The following HOMER1 variants were observed in gnomAD, a reference collection of about 807,000 sequenced individuals.
HOMER1 encodes the protein homer protein homolog 1.
Under a neutral mutation model 48.9 loss-of-function variants are expected in HOMER1, and 3 were observed. The ratio of observed to expected loss-of-function variants is 0.06; its 90% CI spans 0.03 to 0.16. HOMER1 has a LOEUF of 0.16. Among genes scored for constraint, HOMER1 ranks in the 10% least tolerant of loss-of-function variants. HOMER1 has a pLI of 1.00. For synonymous variants in HOMER1, 134 were observed against 146.4 expected (o/e 0.92, Z 0.61); for missense variants, 247 against 411.4 (o/e 0.60, Z 3.46).
At chr5:79,385,950 T>C (rs779766531) in intron 8 of HOMER1, among the ~76,000 whole-genome samples, 11 of 151,006 alleles carry the variant, frequency 7.3e-5, no homozygotes, top group Non-Finnish European at 1.3e-4. Flanking sequence ...TGACTATCAT[T>C]AAAAAGACAA....
In HOMER1 at chr5:79,494,643, T is replaced by C. The variant is rs3893397; in HGVS notation, c.5+18127A>G. Among the ~76,000 whole-genome samples the C allele has an allele frequency of 4.3e-3, 655 of 152,148 alleles. 7 individuals carry two copies. The highest frequency in any genetic ancestry group is 0.015 in the African/African-American group (621 of 41,514). ...CAACACTTTGGGAGGCCAAGGCGGG[T>C]GGAACACTTGAGGTCAGGAGTTCGA... On this transcript the variant is annotated intron_variant, in intron 1 of 8. Transcript: ENST00000334082.
intron 1 of HOMER1, among the ~76,000 whole-genome samples, chr5:79,495,792 A>G (rs1561387056): frequency 6.6e-6 from 1 of 152,218 alleles, no homozygotes; most frequent in Non-Finnish European, 1.5e-5. Flanking sequence ...GAAAGCCAAC[A>G]CTTTATCATC....
At chr5:79,456,192 C>T (rs1049539123) in intron 2 of HOMER1, among the ~76,000 whole-genome samples, 1 of 150,940 alleles carries the variant, frequency 6.6e-6, no homozygotes. Context: ...TTCTGAAGGG[C>T]ACACTGTCCT....
chr5:79,506,611 C>T (rs1447982776), intron 1 of HOMER1, among the ~76,000 whole-genome samples: 3 of 152,204 alleles, frequency 2.0e-5, no homozygotes, highest in Middle Eastern at 3.4e-3. Flanking sequence ...GCAAGGCAGA[C>T]GGATCACTTG....
intron 1 of HOMER1, among the ~76,000 whole-genome samples, chr5:79,504,550 C>A (rs1218325146): frequency 6.6e-6 from 1 of 152,064 alleles, no homozygotes; most frequent in Non-Finnish European, 1.5e-5. Context: ...ATAGAAATTC[C>A]TAATATGAGT....
intron 1 of HOMER1, among the ~76,000 whole-genome samples, chr5:79,464,609 T>C (rs1028023952): frequency 6.6e-6 from 1 of 152,162 alleles, no homozygotes; most frequent in Non-Finnish European, 1.5e-5. Context: ...ATAATATAAA[T>C]TGAAACTCCA....
intron 2 of HOMER1, among the ~76,000 whole-genome samples, chr5:79,452,818 T>C (rs1467786104): frequency 1.3e-5 from 2 of 152,218 alleles, no homozygotes; most frequent in African/African-American, 2.4e-5. Context: ...TTCATACTTA[T>C]ACAGTTTCCT....
At position 79,438,978 on chromosome 5, in the gene HOMER1, A is replaced by T. The variant is rs115227227; in HGVS notation, c.527+32T>A. On this transcript the variant is annotated intron_variant, in intron 5 of 8. Coordinates refer to ENST00000334082, the MANE Select transcript of HOMER1 (RefSeq NM_004272.5). ...CAAACATTTCCATATTTACACATTT[A>T]CTTAATCATAATTGCTGAATTGAAT... 10 of 1,592,936 alleles carry T rather than the reference A, an allele frequency of 6.3e-6. 1 individual carries two copies. In the Middle Eastern group the frequency reaches 6.6e-4, roughly 106 times the overall value.
chr5:79,433,579 AC>A, intron 5 of HOMER1, among the ~76,000 whole-genome samples: 1 of 152,268 alleles, frequency 6.6e-6, no homozygotes, highest in East Asian at 1.9e-4. Context: ...AGAAAAACAA[AC>A]AAACAAAAAA....
Position 79,487,956 on chromosome 5 carries a change from A to T in HOMER1, c.5+24814T>A, listed in dbSNP as rs576975190. Among the ~76,000 whole-genome samples the T allele has an allele frequency of 2.6e-5, 4 of 152,332 alleles. No individual in the cohort carries two copies. The South Asian group carries it at 8.3e-4, about 32-fold the overall frequency. On this transcript the variant is annotated intron_variant, in intron 1 of 8. Coordinates refer to ENST00000334082, the MANE Select transcript of HOMER1 (RefSeq NM_004272.5). Reference sequence around the variant, plus strand: ...AAAACAATATGAGCCACATGTTAATAATTGTTGAAGCCAGGTGATGAATGT... The same window carrying T: ...AAAACAATATGAGCCACATGTTAATTATTGTTGAAGCCAGGTGATGAATGT...
intron 1 of HOMER1, among the ~76,000 whole-genome samples, chr5:79,467,100 T>G (rs1473850113): frequency 6.6e-6 from 1 of 151,660 alleles, no homozygotes; most frequent in Non-Finnish European, 1.5e-5. Flanking sequence ...TTAAAAACTT[T>G]AAAAACAAAT....
At chr5:79,413,400 CTATT>C (rs1176976667) in intron 5 of HOMER1, among the ~76,000 whole-genome samples, 1 of 152,104 alleles carries the variant, frequency 6.6e-6, no homozygotes, top group Non-Finnish European at 1.5e-5. Flanking sequence ...GACTCCTTAT[CTATT>C]AAAGTATATA....
chr5:79,377,255 C>G (rs1454046184), intron 8 of HOMER1, among the ~76,000 whole-genome samples: 1 of 152,100 alleles, frequency 6.6e-6, no homozygotes. Flanking sequence ...CGTGAGCCAC[C>G]CCGCCTGGCC....
chr5:79,492,907 CTT>C (rs558428061), intron 1 of HOMER1, among the ~76,000 whole-genome samples: 3,545 of 83,950 alleles, frequency 0.042, 177 homozygotes, highest in East Asian at 0.19. Context: ...AAAACTTTGT[CTT>C]TTTTTTTTTT....
intron 8 of HOMER1, among the ~76,000 whole-genome samples, chr5:79,384,357 C>A (rs985020986): frequency 2.0e-5 from 3 of 151,936 alleles, no homozygotes; most frequent in South Asian, 4.1e-4. Flanking sequence ...CAAAAGATTA[C>A]GAGAGACTAT....
At position 79,502,262 on chromosome 5, in the gene HOMER1, C is replaced by T. The variant is rs560682502; in HGVS notation, c.5+10508G>A. Among the ~76,000 whole-genome samples, 3 of 152,202 alleles carry T rather than the reference C, an allele frequency of 2.0e-5. No homozygotes were observed. The East Asian group carries it at 5.8e-4, about 29-fold the overall frequency. The stretch of plus-strand genomic sequence containing the variant: ...CTCGATCTCCTGACCTGGTGATCTG[C>T]CCGCCTTGGCCTCCCAAAGTGCTGG... On this transcript the variant is annotated intron_variant, in intron 1 of 8. Transcript: ENST00000334082.
chr5:79,442,743 G>A (rs1459645667), intron 4 of HOMER1, among the ~76,000 whole-genome samples: 1 of 152,200 alleles, frequency 6.6e-6, no homozygotes, highest in African/African-American at 2.4e-5. Context: ...TTTCTCAGCA[G>A]AGGGCCTGAC....
intron 8 of HOMER1, among the ~76,000 whole-genome samples, chr5:79,396,538 T>G (rs1239475276): frequency 6.6e-6 from 1 of 151,956 alleles, no homozygotes; most frequent in Non-Finnish European, 1.5e-5. Context: ...TGAGCCACCA[T>G]GCCCAAACCC....
chr5:79,405,884 T>G (rs1188232167), intron 5 of HOMER1, among the ~76,000 whole-genome samples: 1 of 152,210 alleles, frequency 6.6e-6, no homozygotes, highest in African/African-American at 2.4e-5. Context: ...TTCACACTAG[T>G]TTTGGGTAGT....
Sources: allele counts gnomAD v4.1 joint callset (sites outside exome capture counted in the v4.1 genomes callset), GRCh38; gene constraint gnomAD v4.1.1; transcripts MANE v1.5; gene names NCBI Gene and HGNC (gene_info 2026-07-23, HGNC 2026-07-21).